The following PLA2G4C variants were observed in gnomAD, a reference collection of about 807,000 sequenced individuals.
PLA2G4C encodes the protein cytosolic phospholipase A2 gamma.
A neutral mutation model predicts 73.8 loss-of-function variants in PLA2G4C; 64 were observed. That is an observed-to-expected ratio of 0.87 (90% CI 0.71 to 1.07). PLA2G4C has a LOEUF of 1.07. PLA2G4C is among the 50% of genes least tolerant of loss of function. The pLI is 0.00. For missense variants in PLA2G4C, 622 were observed against 665.4 expected (o/e 0.93, Z 0.72); for synonymous variants, 254 against 252.1 (o/e 1.01, Z -0.07).
rs5828330 is a variant in PLA2G4C at position 48,050,673 on chromosome 19, C to CTTTTT, written c.1581-2290_1581-2286dup. ...ATCCCTAGAGCCTGTGAGTATGTGA[C>CTTTTT]TTTTTTTTTTTTTTTTTTTGAGACA... On this transcript the variant is annotated intron_variant, in intron 16 of 16. Coordinates refer to ENST00000599921, the MANE Select transcript of PLA2G4C (RefSeq NM_003706.3). Among the ~76,000 whole-genome samples the CTTTTT allele has an allele frequency of 9.7e-4, 76 of 78,734 alleles. 8 individuals are homozygous for CTTTTT. The highest frequency in any genetic ancestry group is 1.2e-3 in the Non-Finnish European group (52 of 42,258). The allele number at this position is 78,734 out of a possible 152,430, so 51.7% of individuals were successfully genotyped here. A position where few individuals can be genotyped will look rare whatever the true frequency, so the allele number is the denominator to read the frequency against.
chr19:48,103,820 T>A (rs1045612662), intron 4 of PLA2G4C, among the ~76,000 whole-genome samples: 1 of 152,192 alleles, frequency 6.6e-6, no homozygotes, highest in African/African-American at 2.4e-5. Context: ...TGTCCATGGC[T>A]TTGTGTAGCA....
chr19:48,098,785 C>A (rs916798485), intron 5 of PLA2G4C, among the ~76,000 whole-genome samples: 3 of 143,020 alleles, frequency 2.1e-5, no homozygotes, highest in African/African-American at 7.8e-5. Context: ...GCCTGTAGTC[C>A]CAGCTACTTG....
chr19:48,101,104 C>CTATATATATA (rs869065676), intron 4 of PLA2G4C, among the ~76,000 whole-genome samples: 15 of 103,346 alleles, frequency 1.5e-4, no homozygotes, highest in African/African-American at 5.8e-4. Context: ...CACATAGAGT[C>CTATATATATA]TATATATATA....
chr19:48,076,551 TG>T (rs1357899745), intron 11 of PLA2G4C, among the ~76,000 whole-genome samples: 1 of 152,076 alleles, frequency 6.6e-6, no homozygotes, highest in Non-Finnish European at 1.5e-5. Context: ...GAGAGTAGCC[TG>T]GGTAATGTAG....
intron 12 of PLA2G4C, chr19:48,074,492 A>C (rs529343339): frequency 1.3e-4 from 61 of 463,888 alleles, no homozygotes; most frequent in African/African-American, 1.2e-3. Context: ...TCCTTTGGGC[A>C]TATACCCAGT....
At chr19:48,048,526 T>C (rs951372029) in intron 16 of PLA2G4C, 138 bp from the exon 17 acceptor site, 2 of 553,970 alleles carry the variant, frequency 3.6e-6, no homozygotes, top group Admixed American at 4.2e-5. Context: ...CTTTCATTCA[T>C]TGAGAAGACC....
At chr19:48,061,490 A>G (rs943850699) in intron 14 of PLA2G4C, 4 of 156,180 alleles carry the variant, frequency 2.6e-5, no homozygotes, top group Non-Finnish European at 5.7e-5. Context: ...TAAGTGGCAG[A>G]GCTGGGATAT....
intron 10 of PLA2G4C, among the ~76,000 whole-genome samples, chr19:48,083,034 T>C (rs1285677973): frequency 6.6e-6 from 1 of 150,740 alleles, no homozygotes; most frequent in Non-Finnish European, 1.5e-5. Context: ...CAGGATGGTC[T>C]CGATCTCCTG....
chr19:48,054,677 G>A (rs778988558), intron 15 of PLA2G4C, among the ~76,000 whole-genome samples: 4 of 152,076 alleles, frequency 2.6e-5, no homozygotes, highest in African/African-American at 7.2e-5. Flanking sequence ...CCTTCCTGCC[G>A]CCTTGTGAAG....
chr19:48,057,479 TCTTC>T lies in PLA2G4C; in HGVS notation c.1258-2434_1258-2431del, dbSNP rs796456675. Among the ~76,000 whole-genome samples, 44 of 53,064 alleles carry T rather than the reference TCTTC, an allele frequency of 8.3e-4. No individual in the cohort carries two copies. In the South Asian group the frequency reaches 0.016, roughly 19 times the overall value. 34.8% of individuals were successfully genotyped at this position (53,064 alleles called of 152,430 possible). On this transcript the variant is annotated intron_variant, in intron 14 of 16. Transcript: ENST00000599921. ...TGTTTCTTCTTCTTCTTCTTCTTCT[TCTTC>T]TTTTTTTTTTTTTTTTTTTTTTTTT...
At chr19:48,065,233 G>A (rs990643341) in intron 13 of PLA2G4C, among the ~76,000 whole-genome samples, 7 of 140,384 alleles carry the variant, frequency 5.0e-5, no homozygotes, top group East Asian at 2.2e-4. Context: ...AAGGTGAGAC[G>A]ACTTGAAGTC....
chr19:48,068,418 C>T (rs1285715578), intron 12 of PLA2G4C, among the ~76,000 whole-genome samples: 1 of 151,638 alleles, frequency 6.6e-6, no homozygotes, highest in South Asian at 2.1e-4. Flanking sequence ...GAGTGCCAGG[C>T]ACCAGAGTAA....
intron 8 of PLA2G4C, among the ~76,000 whole-genome samples, chr19:48,089,447 G>C (rs1053244161): frequency 2.0e-5 from 3 of 152,094 alleles, no homozygotes; most frequent in African/African-American, 7.2e-5. Context: ...AAGTCAAAGT[G>C]TAAGAACTAG....
chr19:48,065,430 A>G (rs187017022), intron 13 of PLA2G4C, among the ~76,000 whole-genome samples: 1 of 152,006 alleles, frequency 6.6e-6, no homozygotes, highest in African/African-American at 2.4e-5. Flanking sequence ...AGCCTAGCCA[A>G]TGTGGTGAAA....
intron 16 of PLA2G4C, among the ~76,000 whole-genome samples, chr19:48,049,708 C>G (rs978085401): frequency 5.9e-5 from 9 of 152,102 alleles, no homozygotes; most frequent in African/African-American, 2.2e-4. Flanking sequence ...GAGAGAGAGT[C>G]AACAAATAAG....
chr19:48,079,274 T>G (rs1001216313), intron 10 of PLA2G4C, among the ~76,000 whole-genome samples: 1 of 152,120 alleles, frequency 6.6e-6, no homozygotes, highest in Non-Finnish European at 1.5e-5. Context: ...CAAATTATAC[T>G]ACAAGCCTAT....
At chr19:48,093,109 G>A (rs1359863795) in intron 7 of PLA2G4C, among the ~76,000 whole-genome samples, 2 of 152,014 alleles carry the variant, frequency 1.3e-5, no homozygotes, top group Non-Finnish European at 2.9e-5. Context: ...AGAGATGGTG[G>A]GGATAGGAGA....
chr19:48,061,841 C>T (rs116937522), intron 14 of PLA2G4C, 157 bp downstream of exon 14: 21 of 729,222 alleles, frequency 2.9e-5, no homozygotes, highest in South Asian at 1.8e-4. Context: ...GCGGGTGCTT[C>T]GGGAGCGATG....
chr19:48,108,824 G>A (rs1461063636), intron 1 of PLA2G4C: 1 of 152,328 alleles, frequency 6.6e-6, no homozygotes, highest in Non-Finnish European at 1.5e-5. Context: ...AGCTACTCAG[G>A]AGGCTGAGGG....
Sources: allele counts gnomAD v4.1 joint callset (sites outside exome capture counted in the v4.1 genomes callset), GRCh38; gene constraint gnomAD v4.1.1; transcripts MANE v1.5; gene names NCBI Gene and HGNC (gene_info 2026-07-23, HGNC 2026-07-21).